Variants in KCNAB1 observed in about 807,000 individuals in gnomAD.
The protein encoded by KCNAB1 is voltage-gated potassium channel subunit beta-1.
A neutral mutation model predicts 64.6 loss-of-function variants in KCNAB1; 35 were observed. The ratio of observed to expected loss-of-function variants is 0.54; its 90% confidence interval spans 0.41 to 0.72. The LOEUF (loss-of-function observed/expected upper bound fraction) is 0.72. Ranked by LOEUF, KCNAB1 falls within the 30% of genes least tolerant of loss-of-function variation. The pLI is 0.00. For synonymous variants in KCNAB1, 177 were observed against 183.8 expected, an observed-to-expected ratio of 0.96 and a Z score of 0.30; for missense variants, 401 against 512.9, an observed-to-expected ratio of 0.78 and a Z score of 2.11.
At chr3:156,155,293 T>C (rs1715652488) in intron 1 of KCNAB1, among the ~76,000 whole-genome samples, 1 of 152,178 alleles carries the variant, frequency 6.6e-6, no homozygotes, top group African/African-American at 2.4e-5. Flanking sequence ...ATTCCAGGCA[T>C]TGGAGATACA....
At chr3:156,138,802 C>A (rs1431018405) in intron 1 of KCNAB1, among the ~76,000 whole-genome samples, 5 of 152,168 alleles carry the variant, frequency 3.3e-5, no homozygotes, top group African/African-American at 1.2e-4. Context: ...AGGTCAAGAC[C>A]TGTCCAAGGT....
chr3:156,317,177 G>C (rs1401962509), intron 1 of KCNAB1, among the ~76,000 whole-genome samples: 1 of 152,160 alleles, frequency 6.6e-6, no homozygotes, highest in Non-Finnish European at 1.5e-5. Context: ...TCTACTCAGA[G>C]GTGGGATAGG....
intron 1 of KCNAB1, among the ~76,000 whole-genome samples, chr3:156,182,636 C>G (rs1022029789): frequency 3.3e-5 from 5 of 151,662 alleles, no homozygotes; most frequent in Admixed American, 6.6e-5. Context: ...TTTTCCCCCC[C>G]CCGGGTCTTA....
chr3:156,425,638 C>T (rs976346511), intron 2 of KCNAB1, among the ~76,000 whole-genome samples: 5 of 152,128 alleles, frequency 3.3e-5, no homozygotes, highest in South Asian at 2.1e-4. Context: ...GTAGAATTTA[C>T]GTTAATTCAC....
chr3:156,137,634 C>T (rs774973794), intron 1 of KCNAB1, among the ~76,000 whole-genome samples: 34 of 152,044 alleles, frequency 2.2e-4, no homozygotes, highest in Admixed American at 5.9e-4. Flanking sequence ...ACCCCCGCCC[C>T]CACCAGGTTC....
At chr3:156,335,290 T>A (rs1315905622) in intron 1 of KCNAB1, among the ~76,000 whole-genome samples, 1 of 152,232 alleles carries the variant, frequency 6.6e-6, no homozygotes, top group Non-Finnish European at 1.5e-5. Context: ...CTCCTGTGTG[T>A]TTACACACCC....
intron 1 of KCNAB1, among the ~76,000 whole-genome samples, chr3:156,252,760 C>T (rs986134837): frequency 6.6e-5 from 10 of 152,170 alleles, no homozygotes; most frequent in African/African-American, 2.4e-4. Flanking sequence ...TCAGGACAGG[C>T]TTTCTTCTCA....
At position 156,524,281 on chromosome 3, in the gene KCNAB1, A is replaced by G. The variant is rs1718145842; in HGVS notation, c.1081+334A>G. ...TCAAATTTCTGTCTGTTGAAAACTA[A>G]ACCAGGGTTGGTGAGAAGATGAGAT... On this transcript the variant is annotated intron_variant, in intron 12 of 13. Transcript: ENST00000490337. 2.7e-5 allele frequency: 5 copies of G among 182,676 alleles called. No individual in the cohort carries two copies. The South Asian group carries it at 8.0e-4, about 29-fold the overall frequency. The allele number at this position is 182,676 out of a possible 1,614,324, so 11.3% of individuals were successfully genotyped here. A position where few individuals can be genotyped will look rare whatever the true frequency, so the allele number is the denominator to read the frequency against.
intron 1 of KCNAB1, among the ~76,000 whole-genome samples, chr3:156,240,141 G>C (rs1353803801): frequency 6.6e-6 from 1 of 152,146 alleles, no homozygotes; most frequent in Admixed American, 6.5e-5. Flanking sequence ...AATTTTCCTA[G>C]CTTTGGATTT....
Position 156,120,817 on chromosome 3 carries a change from A to G in KCNAB1, c.206A>G (p.Asn69Ser), listed in dbSNP as rs1713296709. 3.1e-6 allele frequency: 5 copies of G among 1,614,076 alleles called. No homozygotes were observed. The highest frequency in any genetic ancestry group is 3.3e-5 in the Admixed American group (2 of 60,002). ...QLALLREVEM[N>S]WYLKLCDLSS... The stretch of plus-strand genomic sequence containing the variant: ...GCTCTGCTGCGCGAAGTGGAGATGA[A>G]CTGGTACCTAAAGCTCTGCGACCTG... Residue 69 changes from asparagine to serine, a missense_variant, in exon 1 of 14, where the codon AAC (asparagine) becomes AGC (serine). Transcript: ENST00000490337.
intron 2 of KCNAB1, among the ~76,000 whole-genome samples, chr3:156,448,389 C>T (rs1327288563): frequency 3.3e-5 from 5 of 152,160 alleles, no homozygotes; most frequent in African/African-American, 1.2e-4. Flanking sequence ...AACAAGTCAC[C>T]TTAGTTCTTC....
At chr3:156,396,133 C>T (rs1001513869) in intron 1 of KCNAB1, among the ~76,000 whole-genome samples, 62 of 152,132 alleles carry the variant, frequency 4.1e-4, no homozygotes, top group African/African-American at 1.5e-3. Context: ...TAAGAACACT[C>T]CTGTTTGGAC....
intron 1 of KCNAB1, among the ~76,000 whole-genome samples, chr3:156,325,138 A>T (rs1722889007): frequency 6.6e-6 from 1 of 152,158 alleles, no homozygotes; most frequent in Non-Finnish European, 1.5e-5. Context: ...AAACCATGTG[A>T]GGTGGATACT....
chr3:156,432,602 T>C (rs945707487), intron 2 of KCNAB1, among the ~76,000 whole-genome samples: 1 of 152,226 alleles, frequency 6.6e-6, no homozygotes, highest in African/African-American at 2.4e-5. Flanking sequence ...GCTGACGGTC[T>C]AACCATGAGG....
rs1233507062 is a variant in KCNAB1, at chr3:156,395,544, C to G, written c.276-26072C>G. Reference sequence around the variant, plus strand: ...TGGGCGACAGAGCGAGACTCCGTCTCAAAAAAAAAAAAAAAAAAAAAAAAA... The same window carrying G: ...TGGGCGACAGAGCGAGACTCCGTCTGAAAAAAAAAAAAAAAAAAAAAAAAA... On this transcript the variant is annotated intron_variant, in intron 1 of 13. Transcript: ENST00000490337. 2.4e-4 allele frequency among the ~76,000 whole-genome samples: 6 copies of G among 25,462 alleles called. No individual in the cohort carries two copies. The East Asian group carries it at 5.1e-3, about 22-fold the overall frequency. 16.7% of individuals were successfully genotyped at this position (25,462 alleles called of 152,430 possible). A position where few individuals can be genotyped will look rare whatever the true frequency, so the allele number is the denominator to read the frequency against.
In KCNAB1 at chr3:156,537,090, T is replaced by A; in HGVS notation, c.*343T>A. The stretch of plus-strand genomic sequence containing the variant: ...TCAAAGAAGGCTGTACAGATATATT[T>A]TTTCAAAAGAACAAAATCCACAGAT... On this transcript the variant is annotated 3_prime_UTR_variant, in exon 14 of 14. Transcript: ENST00000490337. 1 of 403,072 alleles carries A rather than the reference T, an allele frequency of 2.5e-6. No individual in the cohort carries two copies. The highest frequency in any genetic ancestry group is 4.4e-6 in the Non-Finnish European group (1 of 228,966). 25.0% of individuals were successfully genotyped at this position (403,072 alleles called of 1,614,324 possible). A position where few individuals can be genotyped will look rare whatever the true frequency, so the allele number is the denominator to read the frequency against.
chr3:156,276,263 CAGCAAACCATG>C (rs1719341502), intron 1 of KCNAB1, among the ~76,000 whole-genome samples: 1 of 152,132 alleles, frequency 6.6e-6, no homozygotes, highest in African/African-American at 2.4e-5. Flanking sequence ...TGAAAACATT[CAGCAAACCATG>C]TTGTAAACAG....
In KCNAB1 at chr3:156,268,221, G is replaced by A. The variant is rs575396568; in HGVS notation, c.275+147335G>A. Among the ~76,000 whole-genome samples, 5 of 152,032 alleles carry A rather than the reference G, an allele frequency of 3.3e-5. No individual in the cohort carries two copies. The South Asian group carries it at 8.3e-4, about 25-fold the overall frequency. On this transcript the variant is annotated intron_variant, in intron 1 of 13. Transcript: ENST00000490337. ...TAGAATCTCTTTATTTTTTATGGCC[G>A]AATAAAATTCCATTGTGTATGCGTG...
At chr3:156,456,139 G>A (rs1282829841) in intron 3 of KCNAB1, 1 of 152,108 alleles carries the variant, frequency 6.6e-6, no homozygotes, top group Non-Finnish European at 1.5e-5. Flanking sequence ...GACCCTCAAG[G>A]CCAGAAATCA....
Sources: allele counts gnomAD v4.1 joint callset (sites outside exome capture counted in the v4.1 genomes callset), GRCh38; gene constraint gnomAD v4.1.1; transcripts MANE v1.5; gene names NCBI Gene and HGNC (gene_info 2026-07-23, HGNC 2026-07-21).